TTN: variants seen among roughly 807,000 people sequenced by gnomAD.
The protein encoded by TTN is titin.
In TTN, 1,525 loss-of-function variants were observed where a neutral mutation model predicts 3,223.0. The observed-to-expected ratio is 0.47, with a 90% CI of 0.45 to 0.49. The LOEUF is 0.49. TTN is among the 20% of genes least tolerant of loss of function. The pLI, the probability that TTN is intolerant of heterozygous loss-of-function variation, is 0.00. For synonymous variants in TTN, 14,094 were observed against 15,161.0 expected, an observed-to-expected ratio of 0.93 and a Z score of 5.17; for missense variants, 40,786 against 43,424.0, an observed-to-expected ratio of 0.94 and a Z score of 5.40.
Position 178,535,489 on chromosome 2 carries a change from G to T in TTN, c.101126C>A (p.Thr33709Lys). 6.2e-7 allele frequency: 1 copy of T among 1,613,876 alleles called. No individual in the cohort carries two copies. Among genetic ancestry groups the T allele is most frequent in the Non-Finnish European group, 8.5e-7 (1 of 1,179,824 alleles). Residue 33709 changes from threonine (T) to lysine (K), a missense_variant, in exon 358 of 363, where the codon ACA (threonine) becomes AAA (lysine). Coordinates refer to ENST00000589042, the MANE Select transcript of TTN (RefSeq NM_001267550.2). ...ACCATCAGAGGCTGGCTCAGTCCAT[G>T]TTAAGTTGACAGAATCTCGTGAGAC... is the stretch of plus-strand genomic sequence containing the variant. ...SDVSRDSVNL[T>K]WTEPASDGGS...
Position 178,682,763 on chromosome 2 carries a change from C to A in TTN, c.33028G>T (p.Asp11010Tyr). The change falls in exon 135 of 363, where the codon GAC becomes TAC. Residue 11010 changes from aspartate to tyrosine, a missense_variant. By Grantham distance (160) the Asp-to-Tyr change is radical. Coordinates refer to ENST00000589042, the MANE Select transcript of TTN (RefSeq NM_001267550.2). ...FEEYEPTEEY[D>Y]QYEEYEEREY... ...CGCTCCTCGTATTCTTCATATTGGT[C>A]ATATTCTTCTGTTGGTTCATACTCC... 1 of 1,613,028 alleles carries A rather than the reference C, an allele frequency of 6.2e-7. No individual in the cohort carries two copies. The highest frequency in any genetic ancestry group is 8.5e-7 in the Non-Finnish European group (1 of 1,179,288).
At chr2:178,753,469 C>A (rs2086135727) in intron 46 of TTN, 1 of 262,054 alleles carries the variant, frequency 3.8e-6, no homozygotes, top group Non-Finnish European at 7.2e-6. Flanking sequence ...AATCTACAAA[C>A]CGAAGGAATA....
rs376166350 is a variant in TTN at position 178,636,446 on chromosome 2, G to A, written c.41281C>T (p.Arg13761Cys). 3 of 1,612,390 alleles carry A rather than the reference G, an allele frequency of 1.9e-6. No individual in the cohort carries two copies. Among genetic ancestry groups the A allele is most frequent in the East Asian group, 2.2e-5 (1 of 44,688 alleles). ...SDAGEYTCVL[R>C]LGNKEKTSTA... is the part of the protein sequence containing the mutation. ...GAGGTCTTTTCTTTGTTTCCCAAAC[G>A]TAAAACACAGGTGTATTCACCAGCA... Residue 13761 changes from arginine (R) to cysteine (C), a missense_variant, in exon 225 of 363, where the codon CGT (arginine) becomes TGT (cysteine). Transcript: ENST00000589042. The surrounding 1 kb of genome is among the most constrained non-coding windows in gnomAD (Gnocchi z 4.3).
chr2:178,565,578 G>A lies in TTN; in HGVS notation c.80554C>T (p.Arg26852Cys), dbSNP rs185887755. 1.6e-4 allele frequency: 264 copies of A among 1,613,516 alleles called. No individual in the cohort carries two copies. In the East Asian group the frequency reaches 4.4e-3, roughly 27 times the overall value. Residue 26852 changes from arginine (R) to cysteine (C), a missense_variant, in exon 326 of 363, where the codon CGT becomes TGT. Coordinates refer to ENST00000589042, the MANE Select transcript of TTN (RefSeq NM_001267550.2). Reference sequence around the variant, plus strand: ...CCTTTCTCATTATAAGCCTTGACACGGAACTGATATTCTTGTCCAGAACTC... The same window carrying A: ...CCTTTCTCATTATAAGCCTTGACACAGAACTGATATTCTTGTCCAGAACTC... The part of the protein sequence containing the change: ...GLSSGQEYQF[R>C]VKAYNEKGKS...
intron 47 of TTN, chr2:178,752,190 A>C: frequency 5.6e-6 from 4 of 710,068 alleles, no homozygotes; most frequent in Non-Finnish European, 9.1e-6. Flanking sequence ...TGTTCGAATA[A>C]ACGCAACACC....
At chr2:178,639,056 C>T (rs757302670) in intron 223 of TTN, among the ~76,000 whole-genome samples, 1 of 151,938 alleles carries the variant, frequency 6.6e-6, no homozygotes, top group Non-Finnish European at 1.5e-5. Flanking sequence ...ACTTGAGATA[C>T]CTATATCATT....
In TTN at chr2:178,631,180, T is replaced by C; in HGVS notation, c.43868A>G (p.Lys14623Arg). ...DAPVKWFKDG[K>R]EIKPSKNAVI... is the part of the protein sequence containing the mutation. ...AGCATTTTTGGATGGCTTTATTTCC[T>C]TCCCATCCTTAAACCATTTCACTGG... Residue 14623 changes from lysine to arginine, a missense_variant, in exon 237 of 363, where the codon AAG becomes AGG. Coordinates refer to ENST00000589042, the MANE Select transcript of TTN (RefSeq NM_001267550.2). 1 of 1,613,318 alleles carries C rather than the reference T, an allele frequency of 6.2e-7. No homozygotes were observed. Among genetic ancestry groups the C allele is most frequent in the Non-Finnish European group, 8.5e-7 (1 of 1,179,594 alleles).
Position 178,537,694 on chromosome 2 carries a change from A to G in TTN, c.99513T>C (p.Tyr33171=), listed in dbSNP as rs1214098588. 1 of 1,613,792 alleles carries G rather than the reference A, an allele frequency of 6.2e-7. No homozygotes were observed. The highest frequency in any genetic ancestry group is 1.7e-5 in the Admixed American group (1 of 59,998). ...CAACCTCATTGGTGGCTATGCAGGTATAAACACCTTCATCTTCCTGTTCCT... is the reference window on the plus strand; with the variant it reads ...CAACCTCATTGGTGGCTATGCAGGTGTAAACACCTTCATCTTCCTGTTCCT... The part of the protein sequence containing the change: ...MTEEQEDEGV[Y]TCIATNEVGE... Residue 33171 remains tyrosine, a synonymous_variant, in exon 355 of 363, where the codon TAT becomes TAC. Transcript: ENST00000589042.
Position 178,719,272 on chromosome 2 carries a change from A to G in TTN, c.24118T>C (p.Cys8040Arg). The G allele has an allele frequency of 6.2e-7, 1 of 1,613,794 alleles. No homozygotes were observed. The highest frequency in any genetic ancestry group is 8.5e-7 in the Non-Finnish European group (1 of 1,179,756). ...KCQSSFSENV[C>R]TLNLSLLEPS... ...TCCAACAAGCTCAGATTCAAAGTAC[A>G]GACGTTTTCCGAAAAGCTGGACTGA... Residue 8040 changes from cysteine to arginine, a missense_variant, in exon 83 of 363, where the codon TGT becomes CGT. Transcript: ENST00000589042.
At chr2:178,751,577 T>A (rs1453342696) in intron 47 of TTN, 13 of 1,613,202 alleles carry the variant, frequency 8.1e-6, no homozygotes, top group Non-Finnish European at 1.1e-5. Flanking sequence ...TTTCAGAAAT[T>A]CTAAATATTT....
intron 49 of TTN, chr2:178,737,521 C>G (rs1038409331): frequency 5.3e-5 from 8 of 152,206 alleles, no homozygotes; most frequent in Non-Finnish European, 1.0e-4. Flanking sequence ...AGGATGGTCT[C>G]GATCTCCTGA....
chr2:178,613,826 C>G lies in TTN; in HGVS notation c.49457G>C (p.Trp16486Ser), dbSNP rs774023517. 1.2e-6 allele frequency: 2 copies of G among 1,612,608 alleles called. No individual in the cohort carries two copies. Among genetic ancestry groups the G allele is most frequent in the South Asian group, 2.2e-5 (2 of 90,990 alleles). Reference protein sequence around the residue: ...DDGGSPITGYWVERLDPDTDK... With the variant: ...DDGGSPITGYSVERLDPDTDK... ...TGTATCAGGATCCAGTCTTTCAACC[C>G]AGTATCCTGTGATTGGGCTGCCACC... The change falls in exon 263 of 363, where the codon TGG becomes TCG. Residue 16486 changes from tryptophan to serine, a missense_variant. By Grantham distance (177) the Trp-to-Ser change is radical (BLOSUM62 -3). Transcript: ENST00000589042.
chr2:178,612,312 T>C lies in TTN; in HGVS notation c.50213A>G (p.Glu16738Gly). 1.2e-6 allele frequency: 2 copies of C among 1,612,604 alleles called. No individual in the cohort carries two copies. Among genetic ancestry groups the C allele is most frequent in the Non-Finnish European group, 1.7e-6 (2 of 1,179,182 alleles). The change falls in exon 266 of 363, where the codon GAA becomes GGA. Residue 16738 changes from glutamate to glycine, a missense_variant. Coordinates refer to ENST00000589042, the MANE Select transcript of TTN (RefSeq NM_001267550.2). ...ENAIGQSDYTEIEDSVLAKDT... is the reference protein window; with the variant it reads ...ENAIGQSDYTGIEDSVLAKDT... Reference sequence around the variant, plus strand: ...TTTGGCCAGCACAGAGTCCTCAATTTCGGTGTAGTCGCTTTGTCCTATAGC... The same window carrying C: ...TTTGGCCAGCACAGAGTCCTCAATTCCGGTGTAGTCGCTTTGTCCTATAGC...
chr2:178,534,327 G>T lies in TTN; in HGVS notation c.102288C>A (p.Thr34096=). 1 of 1,613,178 alleles carries T rather than the reference G, an allele frequency of 6.2e-7. No homozygotes were observed. The highest frequency in any genetic ancestry group is 8.5e-7 in the Non-Finnish European group (1 of 1,179,814). ...CCATGTTGAGGTCTTTCTTGATCAG[G>T]GTGTGGTAATAACGCCGGTGTTTTA... is the stretch of plus-strand genomic sequence containing the variant. ...RTLKHRRYYH[T]LIKKDLNMVV... Residue 34096 remains threonine, a synonymous_variant, in exon 358 of 363, where the codon ACC becomes ACA. Coordinates refer to ENST00000589042, the MANE Select transcript of TTN (RefSeq NM_001267550.2).
At position 178,790,700 on chromosome 2, in the gene TTN, G is replaced by C. The variant is rs183271785; in HGVS notation, c.1800+8C>G. ...AGAGTGACTTTCACATTGGCAGGAAGTCATCACCTTTTCATAACTTAGGTG... is the reference window on the plus strand; with the variant it reads ...AGAGTGACTTTCACATTGGCAGGAACTCATCACCTTTTCATAACTTAGGTG... On this transcript the variant is annotated splice_region_variant and intron_variant, in intron 11 of 362. Transcript: ENST00000589042. 6.2e-7 allele frequency: 1 copy of C among 1,614,086 alleles called. No homozygotes were observed. Among genetic ancestry groups the C allele is most frequent in the Non-Finnish European group, 8.5e-7 (1 of 1,179,964 alleles).
In TTN at chr2:178,569,138, A is replaced by C. The variant is rs188012906; in HGVS notation, c.76994T>G (p.Leu25665Arg). The part of the protein sequence containing the change: ...CHKNSWKIDQ[L>R]QEGCSYYFRV... The stretch of plus-strand genomic sequence containing the variant: ...AAAGTAATAACTGCAACCTTCTTGG[A>C]GCTGATCGATTTTCCAAGAATTCTT... The change falls in exon 326 of 363, where the codon CTC becomes CGC. Residue 25665 changes from leucine (L) to arginine (R), a missense_variant. Leu to Arg is a moderately radical substitution (Grantham distance 102). Coordinates refer to ENST00000589042, the MANE Select transcript of TTN (RefSeq NM_001267550.2). 5 of 1,613,438 alleles carry C rather than the reference A, an allele frequency of 3.1e-6. No homozygotes were observed. The Admixed American group carries it at 8.3e-5, about 27-fold the overall frequency.
chr2:178,612,712 T>C (rs2056569607), intron 265 of TTN, 61 bp downstream of exon 265: 1 of 1,554,236 alleles, frequency 6.4e-7, no homozygotes, highest in South Asian at 1.2e-5. Context: ...TTTTCTCATA[T>C]CGTAGCTCAC....
chr2:178,730,034 C>G, intron 62 of TTN, 59 bp downstream of exon 62: 8 of 1,585,566 alleles, frequency 5.0e-6, no homozygotes, highest in Non-Finnish European at 6.9e-6. Flanking sequence ...CCCGCCCCGG[C>G]CCACCCCAGG....
intron 316 of TTN, chr2:178,580,863 TG>T (rs1347574760): frequency 4.4e-6 from 2 of 452,516 alleles, no homozygotes; most frequent in Non-Finnish European, 7.7e-6. Flanking sequence ...ATGAGCCTTA[TG>T]TACTCTGAAA....
Sources: gnomAD v4.1 joint callset for allele counts (sites outside exome capture counted in the v4.1 genomes callset) on GRCh38, gnomAD v4.1.1 for gene constraint, Gnocchi (gnomAD v3.1) non-coding constraint, MANE v1.5 for transcripts, NCBI Gene and HGNC (gene_info 2026-07-23, HGNC 2026-07-21) for gene names.